BMP2K: variants seen among roughly 807,000 people sequenced by gnomAD.
BMP2K encodes the protein BMP-2-inducible protein kinase.
A neutral mutation model predicts 116.0 loss-of-function variants in BMP2K; 74 were observed. The observed-to-expected ratio is 0.64, with a 90% CI of 0.53 to 0.77. BMP2K has a LOEUF of 0.77. Among genes scored for constraint, BMP2K ranks in the 30% least tolerant of loss-of-function variants. BMP2K has a pLI of 0.00. For synonymous variants in BMP2K, 486 were observed against 502.5 expected, an observed-to-expected ratio of 0.97 and a Z score of 0.44; for missense variants, 1,365 against 1,403.6, an observed-to-expected ratio of 0.97 and a Z score of 0.44.
intron 1 of BMP2K, among the ~76,000 whole-genome samples, chr4:78,814,465 G>A (rs544029198): frequency 3.3e-4 from 50 of 152,300 alleles, no homozygotes; most frequent in African/African-American, 1.1e-3. Flanking sequence ...GGAGGGACCC[G>A]TTGGGAAGTA....
intron 1 of BMP2K, among the ~76,000 whole-genome samples, chr4:78,781,549 CA>C (rs1344042143): frequency 2.0e-5 from 3 of 151,720 alleles, no homozygotes; most frequent in Non-Finnish European, 4.4e-5. Flanking sequence ...GTCTGGAACT[CA>C]GCAAAGGTGT....
At chr4:78,801,344 CTGTGTGTGTGTGTGTG>C (rs112302359) in intron 1 of BMP2K, among the ~76,000 whole-genome samples, 14 of 143,298 alleles carry the variant, frequency 9.8e-5, no homozygotes, top group Non-Finnish European at 1.9e-4. Context: ...GTTGAAGTAG[CTGTGTGTGTGTGTGTG>C]TGTGTGTGTG....
At chr4:78,853,823 T>G (rs995127033) in intron 7 of BMP2K, among the ~76,000 whole-genome samples, 2 of 152,188 alleles carry the variant, frequency 1.3e-5, no homozygotes, top group African/African-American at 4.8e-5. Flanking sequence ...TGCTTTTTAG[T>G]AAGAGATAGC....
rs140065669 is a variant in BMP2K, at chr4:78,845,710, A to C, written c.668+661A>C. ...ATAAAGTGATACAGAATGCAGGAAG[A>C]TCTCTCAGAATAGGACTTTCTAAAT... On this transcript the variant is annotated intron_variant, in intron 5 of 15. Transcript: ENST00000502613. 2.6e-5 allele frequency among the ~76,000 whole-genome samples: 4 copies of C among 151,836 alleles called. No homozygotes were observed. The East Asian group carries it at 7.7e-4, about 29-fold the overall frequency.
In BMP2K at chr4:78,870,959, C is replaced by T; in HGVS notation, c.1408C>T (p.Gln470Ter). 1 of 1,611,644 alleles carries T rather than the reference C, an allele frequency of 6.2e-7. No individual in the cohort carries two copies. The highest frequency in any genetic ancestry group is 8.5e-7 in the Non-Finnish European group (1 of 1,179,180). Residue 470 changes from glutamine to a stop codon, truncating the protein, a stop_gained, in exon 11 of 16, where the codon CAA (glutamine) becomes TAA (stop). Coordinates refer to ENST00000502613, the MANE Select transcript of BMP2K (RefSeq NM_198892.2). LOFTEE classifies it high-confidence loss of function. ...QQQQQQQQQQ[Q>*]QQQQQQQQQQ... Reference sequence around the variant, plus strand: ...GCAGCAGCAGCAGCAGCAGCAACAGCAACAGCAGCAGCAGCAACAGCAACA... The same window carrying T: ...GCAGCAGCAGCAGCAGCAGCAACAGTAACAGCAGCAGCAGCAACAGCAACA...
At chr4:78,850,791 T>A in intron 6 of BMP2K, 133 bp from the exon 7 acceptor site, 2 of 793,866 alleles carry the variant, frequency 2.5e-6, no homozygotes, top group Non-Finnish European at 1.8e-6. Context: ...TATTAATTTT[T>A]TTAAGAAATA....
intron 15 of BMP2K, among the ~76,000 whole-genome samples, chr4:78,905,735 G>A (rs893794850): frequency 3.3e-5 from 5 of 151,960 alleles, no homozygotes; most frequent in African/African-American, 4.8e-5. Context: ...AAATTTCATA[G>A]TAAATCAAAT....
chr4:78,839,568 GT>G (rs1730656932), intron 3 of BMP2K, among the ~76,000 whole-genome samples: 1 of 152,118 alleles, frequency 6.6e-6, no homozygotes, highest in Admixed American at 6.5e-5. Flanking sequence ...GAAAAATCTT[GT>G]TGTATTAGTC....
Position 78,910,934 on chromosome 4 carries a change from A to G in BMP2K, c.2387A>G (p.Glu796Gly), listed in dbSNP as rs568551447. ...CTCATGGATTCTGAAGATGAGGAAGAAGAGGAGAAACATAGCTCTGATTCT... is the reference window on the plus strand; with the variant it reads ...CTCATGGATTCTGAAGATGAGGAAGGAGAGGAGAAACATAGCTCTGATTCT... ...PLLMDSEDEE[E>G]EEKHSSDSDY... is the part of the protein sequence containing the mutation. Residue 796 changes from glutamate to glycine, a missense_variant, in exon 16 of 16, where the codon GAA (glutamate) becomes GGA (glycine). Around this residue, in one of 3 missense-constraint regions of BMP2K, gnomAD observed 596 missense variants for 623.2 expected, o/e 0.96. Transcript: ENST00000502613. The G allele has an allele frequency of 6.2e-6, 10 of 1,613,862 alleles. No homozygotes were observed. Among genetic ancestry groups the G allele is most frequent in the African/African-American group, 2.7e-5 (2 of 75,056 alleles).
At chr4:78,850,750 T>C (rs1209600010) in intron 6 of BMP2K, 174 bp from the exon 7 acceptor site, 2 of 513,192 alleles carry the variant, frequency 3.9e-6, no homozygotes, top group African/African-American at 2.0e-5. Context: ...ATGGAAATGA[T>C]ATAGTTAAAT....
At position 78,915,354 on chromosome 4, in the gene BMP2K, G is replaced by A. The variant is rs1734950279; in HGVS notation, c.*3321G>A. On this transcript the variant is annotated 3_prime_UTR_variant, in exon 16 of 16. Coordinates refer to ENST00000502613, the MANE Select transcript of BMP2K (RefSeq NM_198892.2). The stretch of plus-strand genomic sequence containing the variant: ...CTCTGCTTGGTTTATTTTAGGTTTT[G>A]GTACTTCACGTAAGCACTGTTAGAA... 1 of 151,824 alleles carries A rather than the reference G, an allele frequency of 6.6e-6. No homozygotes were observed. The highest frequency in any genetic ancestry group is 1.5e-5 in the Non-Finnish European group (1 of 67,888). The allele number at this position is 151,824 out of a possible 1,614,324, so 9.4% of individuals were successfully genotyped here.
chr4:78,842,810 G>A (rs114015809), intron 4 of BMP2K, among the ~76,000 whole-genome samples: 1 of 152,044 alleles, frequency 6.6e-6, no homozygotes, highest in African/African-American at 2.4e-5. Flanking sequence ...GAACATAAAT[G>A]TGATTTTCAT....
rs1320849838 is a variant in BMP2K, at chr4:78,911,752, T to A, written c.3205T>A (p.Phe1069Ile). 1 of 1,613,994 alleles carries A rather than the reference T, an allele frequency of 6.2e-7. No individual in the cohort carries two copies. The highest frequency in any genetic ancestry group is 1.7e-5 in the Admixed American group (1 of 60,022). Residue 1069 changes from phenylalanine to isoleucine, a missense_variant, in exon 16 of 16, where the codon TTC (phenylalanine) becomes ATC (isoleucine). Around this residue, in one of 3 missense-constraint regions of BMP2K, gnomAD observed 596 missense variants for 623.2 expected, o/e 0.96. Coordinates refer to ENST00000502613, the MANE Select transcript of BMP2K (RefSeq NM_198892.2). Reference sequence around the variant, plus strand: ...ACCTGAGGAGAGCCTGTTGGACCCCTTCGGTGCCAAGCCCTTCCATTCTCC... The same window carrying A: ...ACCTGAGGAGAGCCTGTTGGACCCCATCGGTGCCAAGCCCTTCCATTCTCC... Reference protein sequence around the residue: ...LQPEESLLDPFGAKPFHSPDL... With the variant: ...LQPEESLLDPIGAKPFHSPDL...
At position 78,859,638 on chromosome 4, in the gene BMP2K, A is replaced by G; in HGVS notation, c.938A>G (p.Tyr313Cys). 6.2e-7 allele frequency: 1 copy of G among 1,611,046 alleles called. No homozygotes were observed. Among genetic ancestry groups the G allele is most frequent in the East Asian group, 2.2e-5 (1 of 44,790 alleles). Residue 313 changes from tyrosine to cysteine, a missense_variant, in exon 8 of 16, where the codon TAT (tyrosine) becomes TGT (cysteine). Tyr to Cys is a radical substitution (Grantham distance 194, BLOSUM62 -2). Coordinates refer to ENST00000502613, the MANE Select transcript of BMP2K (RefSeq NM_198892.2). ...EHRPDIFQVS[Y>C]FAFKFAKKDC... ...AGACCTGATATATTTCAAGTGTCAT[A>G]TTTTGCATTTAAATTTGCCAAAAAG...
intron 1 of BMP2K, among the ~76,000 whole-genome samples, chr4:78,792,179 T>A (rs1347320301): frequency 6.6e-6 from 1 of 152,236 alleles, no homozygotes; most frequent in African/African-American, 2.4e-5. Context: ...AGAACCTCTG[T>A]GAAGAAAATC....
chr4:78,909,223 A>C (rs1734446907), intron 15 of BMP2K, among the ~76,000 whole-genome samples: 3 of 151,862 alleles, frequency 2.0e-5, no homozygotes, highest in Non-Finnish European at 4.4e-5. Context: ...TTTTTAGTAG[A>C]GATGGGGTTT....
intron 3 of BMP2K, among the ~76,000 whole-genome samples, chr4:78,836,661 A>G (rs1730494377): frequency 6.6e-6 from 1 of 152,160 alleles, no homozygotes; most frequent in Non-Finnish European, 1.5e-5. Flanking sequence ...GTTTTTCAGT[A>G]GCTTTCTGAC....
At chr4:78,876,699 C>G (rs1033686261) in intron 13 of BMP2K, among the ~76,000 whole-genome samples, 1 of 152,200 alleles carries the variant, frequency 6.6e-6, no homozygotes, top group Non-Finnish European at 1.5e-5. Flanking sequence ...TTCATTACTA[C>G]TGTTAAGAGG....
At chr4:78,875,070 G>A (rs1412503373) in intron 13 of BMP2K, among the ~76,000 whole-genome samples, 1 of 152,166 alleles carries the variant, frequency 6.6e-6, no homozygotes, top group Non-Finnish European at 1.5e-5. Flanking sequence ...GCCACTAAAG[G>A]TTAGAAATGT....
Sources: gnomAD v4.1 joint callset for allele counts (sites outside exome capture counted in the v4.1 genomes callset) on GRCh38, gnomAD v4.1.1 for gene constraint, gnomAD v4.1.1 regional missense constraint, MANE v1.5 for transcripts, NCBI Gene and HGNC (gene_info 2026-07-23, HGNC 2026-07-21) for gene names.